Variants in ABL1 observed in about 807,000 individuals in gnomAD.
ABL1 encodes ABL proto-oncogene 1, non-receptor tyrosine kinase, also known as tyrosine-protein kinase ABL1.
ABL1 carries 11 observed loss-of-function variants against 94.7 expected under a neutral mutation model. That is an observed-to-expected ratio of 0.12 (90% CI 0.07 to 0.19). The LOEUF is 0.19. ABL1 is among the 10% of genes least tolerant of loss of function. ABL1 has a pLI of 1.00. For missense variants in ABL1, 1,082 were observed against 1,489.4 expected (o/e 0.73, Z 4.50); for synonymous variants, 656 against 622.4 (o/e 1.05, Z -0.80).
chr9:130,758,157 A>ATTTTTTTTTTTTT (rs375183745), intron 1 of ABL1, among the ~76,000 whole-genome samples: 2 of 145,144 alleles, frequency 1.4e-5, no homozygotes, highest in African/African-American at 2.6e-5. Context: ...AGTGGCTAAG[A>ATTTTTTTTTTTTT]TTTTTTTTTT....
chr9:130,882,321 C>T (rs1299605019), intron 10 of ABL1, among the ~76,000 whole-genome samples: 2 of 152,134 alleles, frequency 1.3e-5, no homozygotes, highest in South Asian at 2.1e-4. Context: ...TAATTCATTG[C>T]AATTTCACTC....
chr9:130,718,258 C>T (rs1328085671), intron 1 of ABL1, among the ~76,000 whole-genome samples: 2 of 142,694 alleles, frequency 1.4e-5, no homozygotes, highest in Non-Finnish European at 3.0e-5. Flanking sequence ...GAAGAGGTTG[C>T]AGTGACCTGA....
In ABL1 at chr9:130,886,944, G is replaced by T. The variant is rs753538081; in HGVS notation, c.*1261G>T. 74 of 232,786 alleles carry T rather than the reference G, an allele frequency of 3.2e-4. No individual in the cohort carries two copies. Among genetic ancestry groups the T allele is most frequent in the Non-Finnish European group, 2.7e-4 (32 of 117,818 alleles). 14.4% of individuals were successfully genotyped at this position (232,786 alleles called of 1,614,324 possible). ...ATGTTCTGTGGGGGTCATCAGGGAGGGTTAGGAAAACCACAAACGGAGCCC... is the reference window on the plus strand; with the variant it reads ...ATGTTCTGTGGGGGTCATCAGGGAGTGTTAGGAAAACCACAAACGGAGCCC... On this transcript the variant is annotated 3_prime_UTR_variant, in exon 11 of 11. Transcript: ENST00000318560.
chr9:130,788,947 GT>G (rs1311703488), intron 1 of ABL1, among the ~76,000 whole-genome samples: 2 of 152,178 alleles, frequency 1.3e-5, no homozygotes, highest in Admixed American at 1.3e-4. Context: ...TCATTGGATA[GT>G]TGCTAGTTTT....
At chr9:130,815,202 C>T (rs1284382836) in intron 1 of ABL1, among the ~76,000 whole-genome samples, 2 of 151,926 alleles carry the variant, frequency 1.3e-5, no homozygotes, top group African/African-American at 4.8e-5. Context: ...GGCGTGATAG[C>T]ACACGCCTGT....
At chr9:130,734,755 C>T (rs2132701002) in intron 1 of ABL1, among the ~76,000 whole-genome samples, 1 of 152,058 alleles carries the variant, frequency 6.6e-6, no homozygotes, top group South Asian at 2.1e-4. Context: ...TTCCTGGCCT[C>T]AAGTGATCTA....
intron 1 of ABL1, among the ~76,000 whole-genome samples, chr9:130,721,634 T>A (rs1047585989): frequency 1.3e-5 from 2 of 152,008 alleles, no homozygotes; most frequent in Non-Finnish European, 2.9e-5. Flanking sequence ...CACCTGCGCC[T>A]GGGAAGCCAA....
chr9:130,831,526 A>C (rs1322825667), upstream of ABL1, among the ~76,000 whole-genome samples: 2 of 152,234 alleles, frequency 1.3e-5, no homozygotes, highest in African/African-American at 2.4e-5. Context: ...AAATGAATTA[A>C]ATTTTAGAAA....
chr9:130,836,824 CAAAAAAA>C (rs565723193), intron 1 of ABL1, among the ~76,000 whole-genome samples: 15 of 77,208 alleles, frequency 1.9e-4, no homozygotes, highest in Admixed American at 5.3e-4. Context: ...GACTCGGTCT[CAAAAAAA>C]AAAAAAAAAA....
chr9:130,837,279 A>AT (rs1240686259), intron 1 of ABL1, among the ~76,000 whole-genome samples: 6 of 152,346 alleles, frequency 3.9e-5, no homozygotes, highest in East Asian at 1.9e-4. Context: ...TTCTGAGCAC[A>AT]TTCTCATTTA....
chr9:130,820,738 T>C (rs17147263), intron 1 of ABL1, among the ~76,000 whole-genome samples: 8,938 of 152,266 alleles, frequency 0.059, 270 homozygotes, highest in South Asian at 0.11. Flanking sequence ...TTCTAATCCT[T>C]TGTCTCATCA....
intron 1 of ABL1, among the ~76,000 whole-genome samples, chr9:130,786,253 GT>G (rs1829824251): frequency 6.6e-6 from 1 of 152,176 alleles, no homozygotes; most frequent in Non-Finnish European, 1.5e-5. Context: ...GCCGTCCCTC[GT>G]TGTCTGGTTC....
chr9:130,867,908 T>C (rs1017557687), intron 4 of ABL1, among the ~76,000 whole-genome samples: 2 of 151,938 alleles, frequency 1.3e-5, no homozygotes, highest in African/African-American at 4.8e-5. Flanking sequence ...GTGAATCGCC[T>C]TCCTCAGTCT....
At chr9:130,842,028 G>A (rs1474859914) in intron 1 of ABL1, among the ~76,000 whole-genome samples, 1 of 148,428 alleles carries the variant, frequency 6.7e-6, no homozygotes, top group African/African-American at 2.5e-5. Flanking sequence ...GGTTGAGACA[G>A]GAAAGGGAAA....
At chr9:130,854,309 C>T (rs1035540725) in intron 2 of ABL1, 72 bp downstream of exon 2, 2 of 1,529,564 alleles carry the variant, frequency 1.3e-6, no homozygotes, top group Non-Finnish European at 1.8e-6. Context: ...TGACCTACCA[C>T]CCTTTGCTCG....
chr9:130,809,381 T>TGAGAGA (rs370101656), intron 1 of ABL1, among the ~76,000 whole-genome samples: 2,478 of 132,520 alleles, frequency 0.019, 27 homozygotes, highest in South Asian at 0.037. Flanking sequence ...TGAAGGTTCT[T>TGAGAGA]GAGAGAGAGA....
At chr9:130,755,369 T>C (rs1832029732) in intron 1 of ABL1, among the ~76,000 whole-genome samples, 1 of 151,986 alleles carries the variant, frequency 6.6e-6, no homozygotes, top group African/African-American at 2.4e-5. Context: ...ATTCACAGAG[T>C]AGGGTGGTTC....
chr9:130,787,194 T>C (rs1218385209), intron 1 of ABL1, among the ~76,000 whole-genome samples: 2 of 152,228 alleles, frequency 1.3e-5, no homozygotes, highest in Non-Finnish European at 2.9e-5. Context: ...TGCTCTTTAC[T>C]TGGAGCCAGG....
rs995619351 is a variant in ABL1 at position 130,853,934 on chromosome 9, A to C, written c.80-130A>C. On this transcript the variant is annotated intron_variant, in intron 1 of 10. Transcript: ENST00000318560. ...ACCTTAATGATAATAGTATGTACAG[A>C]TGTTAAGAAATGAAATAGGAATGTG... The C allele has an allele frequency of 2.1e-5, 19 of 910,826 alleles. 1 individual carries two copies. Among genetic ancestry groups the C allele is most frequent in the East Asian group, 1.0e-4 (4 of 38,498 alleles). The allele number at this position is 910,826 out of a possible 1,614,324, so 56.4% of individuals were successfully genotyped here.
Sources: gnomAD v4.1 joint callset for allele counts (sites outside exome capture counted in the v4.1 genomes callset) on GRCh38, gnomAD v4.1.1 for gene constraint, MANE v1.5 for transcripts, NCBI Gene and HGNC (gene_info 2026-07-23, HGNC 2026-07-21) for gene names.